The following NTAQ1 variants were observed in gnomAD, a reference collection of about 807,000 sequenced individuals.
NTAQ1 encodes N-terminal glutamine amidase 1.
In NTAQ1, 21 loss-of-function variants were observed where a neutral mutation model predicts 28.2. That is an observed-to-expected ratio of 0.74 (90% CI 0.53 to 1.07). The LOEUF is 1.07. NTAQ1 is among the 50% of genes least tolerant of loss of function. The pLI is 0.00. For synonymous variants in NTAQ1, 105 were observed against 90.0 expected (o/e 1.17, Z -0.94); for missense variants, 264 against 256.6 (o/e 1.03, Z -0.20).
At chr8:123,465,839 T>C (rs540469154) in intron 6 of NTAQ1, among the ~76,000 whole-genome samples, 2 of 152,188 alleles carry the variant, frequency 1.3e-5, no homozygotes, top group Non-Finnish European at 2.9e-5. Flanking sequence ...CACCTCGGCC[T>C]CCCAAAGTGT....
chr8:123,426,168 G>A (rs1030860284), intron 1 of NTAQ1, among the ~76,000 whole-genome samples: 8 of 152,190 alleles, frequency 5.3e-5, no homozygotes, highest in Admixed American at 3.3e-4. Flanking sequence ...TGTGAGTACT[G>A]CCCGAAGTGA....
intron 3 of NTAQ1, among the ~76,000 whole-genome samples, chr8:123,435,003 C>A (rs1443893363): frequency 6.6e-6 from 1 of 152,150 alleles, no homozygotes; most frequent in Non-Finnish European, 1.5e-5. Context: ...ATTGTTCTTA[C>A]CTCAGGATTT....
rs761469412 is a variant in NTAQ1 at position 123,437,176 on chromosome 8, T to C, written c.384-34T>C. On this transcript the variant is annotated intron_variant, in intron 4 of 5. Coordinates refer to ENST00000287387, the MANE Select transcript of NTAQ1 (RefSeq NM_018024.3). Reference sequence around the variant, plus strand: ...GAGTTAGAATTTCAAACATGACATCTCCCTAATGTGAGTGTATATTGATTT... The same window carrying C: ...GAGTTAGAATTTCAAACATGACATCCCCCTAATGTGAGTGTATATTGATTT... 6.2e-6 allele frequency: 10 copies of C among 1,605,656 alleles called. No homozygotes were observed. The East Asian group carries it at 2.2e-4, about 36-fold the overall frequency.
chr8:123,424,291 G>T (rs562554204), intron 1 of NTAQ1, among the ~76,000 whole-genome samples: 6 of 151,620 alleles, frequency 4.0e-5, no homozygotes, highest in Non-Finnish European at 7.4e-5. Context: ...TGCCTGGGCT[G>T]GAGTGCAGTA....
downstream of NTAQ1, among the ~76,000 whole-genome samples, chr8:123,446,737 C>T (rs1815306385): frequency 1.3e-5 from 2 of 152,188 alleles, no homozygotes; most frequent in Admixed American, 1.3e-4. Context: ...ATCTGCTCAG[C>T]CCTGATCTTG....
intron 6 of NTAQ1, among the ~76,000 whole-genome samples, chr8:123,456,463 G>T (rs1365115252): frequency 6.6e-6 from 1 of 152,178 alleles, no homozygotes; most frequent in Non-Finnish European, 1.5e-5. Context: ...AGTCAAAAAA[G>T]TGTGGCTGAA....
chr8:123,455,051 G>A (rs1364646202), intron 6 of NTAQ1: 2 of 152,214 alleles, frequency 1.3e-5, no homozygotes, highest in Non-Finnish European at 2.9e-5. Context: ...TTTTCAATTA[G>A]CAATAATCAC....
chr8:123,468,019 G>T (rs182237201), exon 7 of NTAQ1, among the ~76,000 whole-genome samples: 187 of 152,186 alleles, frequency 1.2e-3, no homozygotes, highest in African/African-American at 4.4e-3. Context: ...AAGTGCTGGA[G>T]GTTCAGGATC....
At chr8:123,473,389 G>A (rs568982554), downstream of NTAQ1, among the ~76,000 whole-genome samples, 39 of 150,800 alleles carry the variant, frequency 2.6e-4, no homozygotes, top group African/African-American at 9.0e-4. Flanking sequence ...TCCGTGCCCT[G>A]GGCTCAACCA....
intron 3 of NTAQ1, among the ~76,000 whole-genome samples, chr8:123,434,352 C>A (rs117914272): frequency 0.015 from 2,329 of 152,270 alleles, 30 homozygotes; most frequent in Non-Finnish European, 0.022. Context: ...TGGGACTGGG[C>A]ACAGTGGCTC....
downstream of NTAQ1, chr8:123,448,183 T>C (rs996254000): frequency 6.6e-6 from 1 of 152,220 alleles, no homozygotes; most frequent in Non-Finnish European, 1.5e-5. Flanking sequence ...AACTCTTTCA[T>C]AGGAGACAAA....
At position 123,416,783 on chromosome 8, in the gene NTAQ1, C is replaced by A; in HGVS notation, c.-67C>A. The A allele has an allele frequency of 6.9e-7, 1 of 1,454,806 alleles. No individual in the cohort carries two copies. The allele number at this position is 1,454,806 out of a possible 1,614,324, so 90.1% of individuals were successfully genotyped here. On this transcript the variant is annotated 5_prime_UTR_variant, in exon 1 of 6. Transcript: ENST00000287387. ...GGAACCCACGCGGGCCACTACAAGCCCGCCCTTTCCTACGTCTGGTCCAGT... is the reference window on the plus strand; with the variant it reads ...GGAACCCACGCGGGCCACTACAAGCACGCCCTTTCCTACGTCTGGTCCAGT...
intron 3 of NTAQ1, among the ~76,000 whole-genome samples, chr8:123,434,212 A>AGCG (rs1439750321): frequency 3.8e-4 from 58 of 152,140 alleles, no homozygotes; most frequent in African/African-American, 1.4e-3. Flanking sequence ...GCAGCAGTTT[A>AGCG]CCTGGTTCCC....
intron 6 of NTAQ1, chr8:123,448,039 C>A (rs1815353532): frequency 6.6e-6 from 1 of 152,220 alleles, no homozygotes; most frequent in South Asian, 2.1e-4. Flanking sequence ...TGCCTACTTT[C>A]TTACCAGATG....
chr8:123,438,656 G>T (rs1814864959), intron 5 of NTAQ1, among the ~76,000 whole-genome samples: 1 of 136,344 alleles, frequency 7.3e-6, no homozygotes, highest in Non-Finnish European at 1.5e-5. Context: ...TGAGTGACAA[G>T]AGCAAGATTC....
In NTAQ1 at chr8:123,430,076, T is replaced by G; in HGVS notation, c.234+43T>G. 2.0e-6 allele frequency: 3 copies of G among 1,515,332 alleles called. No homozygotes were observed. The South Asian group carries it at 3.4e-5, about 17-fold the overall frequency. The allele number at this position is 1,515,332 out of a possible 1,614,324, so 93.9% of individuals were successfully genotyped here. A position where few individuals can be genotyped will look rare whatever the true frequency, so the allele number is the denominator to read the frequency against. On this transcript the variant is annotated intron_variant, in intron 3 of 5. Coordinates refer to ENST00000287387, the MANE Select transcript of NTAQ1 (RefSeq NM_018024.3). ...GAGAGTATTGACGCATTATGACTTGTAACCCCTTAGTGTTCTGTATGTTTT... is the reference window on the plus strand; with the variant it reads ...GAGAGTATTGACGCATTATGACTTGGAACCCCTTAGTGTTCTGTATGTTTT...
chr8:123,456,188 C>T (rs139123182), intron 6 of NTAQ1, among the ~76,000 whole-genome samples: 3 of 152,296 alleles, frequency 2.0e-5, no homozygotes, highest in Admixed American at 6.5e-5. Flanking sequence ...TATAATCTGA[C>T]GGTTGTTGTA....
chr8:123,417,610 C>T (rs1813377748), intron 1 of NTAQ1, among the ~76,000 whole-genome samples: 1 of 152,094 alleles, frequency 6.6e-6, no homozygotes, highest in South Asian at 2.1e-4. Context: ...TTGCCTTAGT[C>T]CTCATACCTA....
chr8:123,437,454 A>C (rs1814787676), intron 5 of NTAQ1, 120 bp downstream of exon 5: 1 of 1,442,126 alleles, frequency 6.9e-7, no homozygotes, highest in Non-Finnish European at 9.3e-7. Context: ...AGTGAATCCC[A>C]GCACTTTGGG....
Sources: gnomAD v4.1 joint callset for allele counts (sites outside exome capture counted in the v4.1 genomes callset) on GRCh38, gnomAD v4.1.1 for gene constraint, MANE v1.5 for transcripts, NCBI Gene and HGNC (gene_info 2026-07-23, HGNC 2026-07-21) for gene names.